NLRP4: variants seen among roughly 807,000 people sequenced by gnomAD.
NLRP4 encodes NLR family pyrin domain containing 4.
Under a neutral mutation model 84.7 loss-of-function variants are expected in NLRP4, and 44 were observed. That is an observed-to-expected ratio of 0.52 (90% confidence interval 0.41 to 0.67). The LOEUF is 0.67. Ranked by LOEUF, NLRP4 falls within the 30% of genes least tolerant of loss-of-function variation. The probability of loss-of-function intolerance (pLI) is 0.00; values close to 1 mark genes in which losing one functional copy is unlikely to be tolerated. For synonymous variants in NLRP4, 544 were observed against 476.4 expected, an observed-to-expected ratio of 1.14 and a Z score of -1.85; for missense variants, 1,260 against 1,219.4, an observed-to-expected ratio of 1.03 and a Z score of -0.50.
At chr19:55,868,426 A>G (rs762066644) in intron 6 of NLRP4, among the ~76,000 whole-genome samples, 4 of 152,206 alleles carry the variant, frequency 2.6e-5, no homozygotes, top group African/African-American at 7.2e-5. Flanking sequence ...TGATTTACCT[A>G]TTAATGGAAT....
intron 7 of NLRP4, among the ~76,000 whole-genome samples, chr19:55,874,042 C>G (rs1355571569): frequency 6.6e-6 from 1 of 151,592 alleles, no homozygotes; most frequent in African/African-American, 2.4e-5. Flanking sequence ...ACTAATGAAA[C>G]AAAAATCACA....
rs1387854300 is a variant in NLRP4 at position 55,870,944 on chromosome 19, G to A, written c.2472G>A (p.Leu824=). 6.2e-7 allele frequency: 1 copy of A among 1,614,168 alleles called. No individual in the cohort carries two copies. Among genetic ancestry groups the A allele is most frequent in the Non-Finnish European group, 8.5e-7 (1 of 1,180,006 alleles). ...LSANVLKDEG[L]KTLCEALKHP... ...CCAATGTCCTGAAGGACGAAGGACT[G>A]AAAACTCTCTGCGAGGCCTTGAAAC... is the stretch of plus-strand genomic sequence containing the variant. Residue 824 remains leucine, a synonymous_variant, in exon 7 of 10, where the codon CTG becomes CTA. Coordinates refer to ENST00000301295, the MANE Select transcript of NLRP4 (RefSeq NM_134444.5).
At chr19:55,860,016 T>C (rs1327913325) in intron 3 of NLRP4, among the ~76,000 whole-genome samples, 1 of 150,366 alleles carries the variant, frequency 6.7e-6, no homozygotes, top group East Asian at 1.9e-4. Flanking sequence ...AATGGAGTTT[T>C]GCTTTGTCAC....
At chr19:55,851,957 A>G in intron 1 of NLRP4, 59 bp from the exon 2 acceptor site, 1 of 741,056 alleles carries the variant, frequency 1.3e-6, no homozygotes, top group Non-Finnish European at 2.3e-6. Flanking sequence ...GATACTATAT[A>G]ATGGTAATCT....
At chr19:55,849,950 C>T (rs932759281) in intron 1 of NLRP4, among the ~76,000 whole-genome samples, 18 of 128,582 alleles carry the variant, frequency 1.4e-4, no homozygotes, top group African/African-American at 5.0e-4. Context: ...GTGTAATTTC[C>T]GAGACTGCGG....
chr19:55,850,178 CGGTGTAATTTCCGTGGCT>C (rs1237571998), intron 1 of NLRP4, among the ~76,000 whole-genome samples: 18 of 141,882 alleles, frequency 1.3e-4, no homozygotes, highest in Admixed American at 1.4e-4. Context: ...TCCGTGGCTG[CGGTGTAATTTCCGTGGCT>C]GCGGTGTAAT....
chr19:55,855,744 C>T lies in NLRP4; in HGVS notation c.281-1930C>T, dbSNP rs117451282. Reference sequence around the variant, plus strand: ...TCACTTGCAGAATATAAACATCGTACTAGTTATTTAAGGAACAGATAACTG... The same window carrying T: ...TCACTTGCAGAATATAAACATCGTATTAGTTATTTAAGGAACAGATAACTG... On this transcript the variant is annotated intron_variant, in intron 2 of 9. Transcript: ENST00000301295. Among the ~76,000 whole-genome samples the T allele has an allele frequency of 3.1e-3, 479 of 152,352 alleles. 3 individuals carry two copies. In the Middle Eastern group the frequency reaches 0.044, roughly 14 times the overall value.
chr19:55,859,160 T>C lies in NLRP4; in HGVS notation c.1767T>C (p.Ser589=). 2.5e-6 allele frequency: 4 copies of C among 1,613,904 alleles called. No individual in the cohort carries two copies. Among genetic ancestry groups the C allele is most frequent in the Non-Finnish European group, 3.4e-6 (4 of 1,179,770 alleles). ...HIIDNVDLVV[S]AYCLKYCSSL... is the part of the protein sequence containing the mutation. ...TTGACAACGTGGACTTGGTGGTTTC[T>C]GCCTACTGCTTAAAATACTGCTCCA... The change falls in exon 3 of 10, where the codon TCT becomes TCC. Residue 589 remains serine (S), a synonymous_variant. Coordinates refer to ENST00000301295, the MANE Select transcript of NLRP4 (RefSeq NM_134444.5).
chr19:55,852,823 G>A (rs1984223602), intron 2 of NLRP4, among the ~76,000 whole-genome samples: 1 of 152,120 alleles, frequency 6.6e-6, no homozygotes, highest in Non-Finnish European at 1.5e-5. Flanking sequence ...TAGACGTGGT[G>A]GTTACATGTG....
At chr19:55,870,774 C>G in intron 6 of NLRP4, 53 bp from the exon 7 acceptor site, 1 of 1,337,064 alleles carries the variant, frequency 7.5e-7, no homozygotes. Context: ...AGCAAATCTC[C>G]CTGAGACACC....
intron 1 of NLRP4, among the ~76,000 whole-genome samples, chr19:55,842,721 T>G (rs16960322): frequency 0.075 from 11,419 of 152,102 alleles, 587 homozygotes; most frequent in East Asian, 0.13. Context: ...TGTTGGAAAA[T>G]TTGTCATTTA....
chr19:55,853,793 C>CTGTCTCTCTT (rs1568661568), intron 2 of NLRP4, among the ~76,000 whole-genome samples: 10 of 122,182 alleles, frequency 8.2e-5, no homozygotes, highest in Non-Finnish European at 1.6e-5. Context: ...GTCTCTCTTT[C>CTGTCTCTCTT]TCTCTCTCTC....
At chr19:55,853,957 A>C (rs10420849) in intron 2 of NLRP4, among the ~76,000 whole-genome samples, 44,053 of 123,570 alleles carry the variant, frequency 0.36, 10,561 homozygotes, top group African/African-American at 0.7. Context: ...CTTTCTCTCT[A>C]TTTCTCTCTT....
intron 9 of NLRP4, among the ~76,000 whole-genome samples, chr19:55,879,789 A>G (rs940669564): frequency 2.0e-5 from 3 of 151,956 alleles, no homozygotes; most frequent in African/African-American, 7.3e-5. Context: ...TTTTGCCCTC[A>G]CTATCTGCCT....
At chr19:55,870,100 A>G (rs1243756560) in intron 6 of NLRP4, among the ~76,000 whole-genome samples, 1 of 146,004 alleles carries the variant, frequency 6.8e-6, no homozygotes, top group Non-Finnish European at 1.5e-5. Context: ...CCTGTCTCCA[A>G]AAAAAAAAAA....
chr19:55,864,702 A>T (rs539136445), intron 5 of NLRP4, among the ~76,000 whole-genome samples: 2 of 149,554 alleles, frequency 1.3e-5, no homozygotes, highest in African/African-American at 4.8e-5. Context: ...TAATTTCTCC[A>T]CATCTTTGCT....
At chr19:55,838,796 AAAAT>A (rs1983494646) in intron 1 of NLRP4, among the ~76,000 whole-genome samples, 1 of 152,302 alleles carries the variant, frequency 6.6e-6, no homozygotes, top group East Asian at 1.9e-4. Flanking sequence ...TCTAAAAATA[AAAAT>A]AAAAGTAAGC....
At chr19:55,844,861 G>T (rs1983733949) in intron 1 of NLRP4, among the ~76,000 whole-genome samples, 2 of 152,014 alleles carry the variant, frequency 1.3e-5, no homozygotes, top group African/African-American at 4.8e-5. Flanking sequence ...GGTAGTGGTG[G>T]TAGAGGAGTG....
At chr19:55,880,691 G>A (rs915648124) in intron 9 of NLRP4, among the ~76,000 whole-genome samples, 2 of 152,108 alleles carry the variant, frequency 1.3e-5, no homozygotes, top group African/African-American at 4.8e-5. Flanking sequence ...GATATTATAC[G>A]TAAAAGGAAG....
Sources: gnomAD v4.1 joint callset for allele counts (sites outside exome capture counted in the v4.1 genomes callset) on GRCh38, gnomAD v4.1.1 for gene constraint, MANE v1.5 for transcripts, NCBI Gene and HGNC (gene_info 2026-07-23, HGNC 2026-07-21) for gene names.